GRIA4: variants seen among roughly 807,000 people sequenced by gnomAD.
The protein encoded by GRIA4 is glutamate ionotropic receptor AMPA type subunit 4, also known as glutamate receptor 4.
In GRIA4, 34 loss-of-function variants were observed where a neutral mutation model predicts 104.0. The ratio of observed to expected loss-of-function variants is 0.33; its 90% CI spans 0.25 to 0.44. The LOEUF is 0.44. Ranked by LOEUF, GRIA4 falls within the 20% of genes least tolerant of loss-of-function variation. GRIA4 has a pLI of 1.00. For missense variants in GRIA4, 750 were observed against 1,096.5 expected (o/e 0.68, Z 4.46); for synonymous variants, 386 against 381.9 (o/e 1.01, Z -0.13).
chr11:105,903,943 T>C lies in GRIA4; in HGVS notation c.1015T>C (p.Trp339Arg). Residue 339 changes from tryptophan to arginine, a missense_variant, in exon 8 of 17, where the codon TGG (tryptophan) becomes CGG (arginine). Transcript: ENST00000282499. ...TTGTCTGGCAAATCCTGCTGCTCCA[T>C]GGGGCCAGGGAATTGACATGGAGAG... Reference protein sequence around the residue: ...GDCLANPAAPWGQGIDMERTL... With the variant: ...GDCLANPAAPRGQGIDMERTL... The C allele has an allele frequency of 6.2e-7, 1 of 1,613,542 alleles. No homozygotes were observed. The highest frequency in any genetic ancestry group is 2.2e-5 in the East Asian group (1 of 44,870).
intron 11 of GRIA4, among the ~76,000 whole-genome samples, chr11:105,921,306 G>GGTGTGTGTGT (rs5794436): frequency 1.1e-3 from 150 of 138,844 alleles, no homozygotes; most frequent in Middle Eastern, 3.8e-3. Flanking sequence ...ACCACACTTG[G>GGTGTGTGTGT]GTGTGTGTGT....
chr11:105,889,629 TC>T (rs1380208315), intron 6 of GRIA4, among the ~76,000 whole-genome samples: 1 of 152,148 alleles, frequency 6.6e-6, no homozygotes, highest in Non-Finnish European at 1.5e-5. Context: ...TGAATGATTT[TC>T]CCCTAAAATC....
intron 4 of GRIA4, among the ~76,000 whole-genome samples, chr11:105,853,030 T>C (rs1056067773): frequency 2.0e-5 from 3 of 151,010 alleles, no homozygotes; most frequent in African/African-American, 7.3e-5. Flanking sequence ...AACACTTCTT[T>C]GAGTTTCGTT....
intron 14 of GRIA4, among the ~76,000 whole-genome samples, chr11:105,959,962 G>A (rs1197926791): frequency 2.0e-5 from 3 of 152,192 alleles, no homozygotes; most frequent in Non-Finnish European, 4.4e-5. Context: ...AAGGAGGCTG[G>A]AAAGCAGCCA....
chr11:105,666,527 A>T (rs1464739006), intron 3 of GRIA4, among the ~76,000 whole-genome samples: 1 of 151,990 alleles, frequency 6.6e-6, no homozygotes, highest in African/African-American at 2.4e-5. Context: ...TAATGCATCT[A>T]TTCAACTGAA....
At chr11:105,671,448 G>T (rs1852519784) in intron 3 of GRIA4, among the ~76,000 whole-genome samples, 1 of 151,684 alleles carries the variant, frequency 6.6e-6, no homozygotes, top group African/African-American at 2.4e-5. Context: ...AGACCAAGGA[G>T]GGTGAATCAC....
chr11:105,955,254 T>C (rs916425545), intron 14 of GRIA4, among the ~76,000 whole-genome samples: 1 of 151,924 alleles, frequency 6.6e-6, no homozygotes, highest in Non-Finnish European at 1.5e-5. Context: ...TGACCCGCCC[T>C]CTAAGTTCCC....
intron 4 of GRIA4, among the ~76,000 whole-genome samples, chr11:105,808,047 C>A (rs1943022107): frequency 1.3e-5 from 2 of 151,714 alleles, no homozygotes; most frequent in South Asian, 2.1e-4. Flanking sequence ...AAATTTATTT[C>A]TTTGTAATAT....
chr11:105,682,409 C>T (rs989913947), intron 3 of GRIA4, among the ~76,000 whole-genome samples: 8 of 152,066 alleles, frequency 5.3e-5, no homozygotes, highest in African/African-American at 1.9e-4. Flanking sequence ...TAGATCATTG[C>T]TGTACTCTTT....
At chr11:105,693,458 AT>A (rs11408177) in intron 3 of GRIA4, among the ~76,000 whole-genome samples, 4 of 151,650 alleles carry the variant, frequency 2.6e-5, no homozygotes, top group South Asian at 2.1e-4. Context: ...AGAGCAATCT[AT>A]TTTTTTTTAA....
At chr11:105,645,923 G>T (rs78521088) in intron 3 of GRIA4, among the ~76,000 whole-genome samples, 1 of 152,134 alleles carries the variant, frequency 6.6e-6, no homozygotes, top group Non-Finnish European at 1.5e-5. Flanking sequence ...ATATTCCAGT[G>T]AGCTGGTTAA....
At chr11:105,783,202 A>G (rs1181839388) in intron 4 of GRIA4, among the ~76,000 whole-genome samples, 1 of 152,216 alleles carries the variant, frequency 6.6e-6, no homozygotes, top group Non-Finnish European at 1.5e-5. Context: ...CCCCAAACAT[A>G]TAACTGTCAA....
intron 3 of GRIA4, chr11:105,614,533 T>A (rs916488457): frequency 3.3e-5 from 5 of 151,886 alleles, no homozygotes; most frequent in Middle Eastern, 3.2e-3. Context: ...CATATAAGGA[T>A]TGAGAAAATT....
intron 13 of GRIA4, 52 bp downstream of exon 13, chr11:105,926,991 G>T: frequency 7.8e-7 from 1 of 1,274,244 alleles, no homozygotes; most frequent in South Asian, 1.2e-5. Flanking sequence ...TGAAATTCAG[G>T]CAATTTTTCC....
intron 11 of GRIA4, among the ~76,000 whole-genome samples, chr11:105,921,192 CCT>C (rs1482241117): frequency 6.6e-6 from 1 of 152,152 alleles, no homozygotes; most frequent in Non-Finnish European, 1.5e-5. Flanking sequence ...AAGCCCAGAA[CCT>C]CTCTCACACT....
chr11:105,907,661 T>C (rs180898754), intron 9 of GRIA4, among the ~76,000 whole-genome samples: 1 of 152,328 alleles, frequency 6.6e-6, no homozygotes, highest in African/African-American at 2.4e-5. Flanking sequence ...GAGGGAATGC[T>C]CCAGAGCTGC....
intron 4 of GRIA4, among the ~76,000 whole-genome samples, chr11:105,778,211 T>C (rs963469772): frequency 2.0e-5 from 3 of 152,364 alleles, no homozygotes; most frequent in East Asian, 3.9e-4. Context: ...GCTTTCCTCA[T>C]GTGTAGTTTT....
chr11:105,809,777 T>A (rs1943101488), intron 4 of GRIA4, among the ~76,000 whole-genome samples: 2 of 152,050 alleles, frequency 1.3e-5, no homozygotes, highest in East Asian at 3.9e-4. Flanking sequence ...TTACCCAGTC[T>A]CAGGTAATAT....
At chr11:105,922,973 T>A (rs1947607230) in intron 11 of GRIA4, among the ~76,000 whole-genome samples, 1 of 152,140 alleles carries the variant, frequency 6.6e-6, no homozygotes, top group African/African-American at 2.4e-5. Flanking sequence ...CTTTTATGAT[T>A]TGAACAAAGT....
Sources: allele counts gnomAD v4.1 joint callset (sites outside exome capture counted in the v4.1 genomes callset), GRCh38; gene constraint gnomAD v4.1.1; transcripts MANE v1.5; gene names NCBI Gene and HGNC (gene_info 2026-07-23, HGNC 2026-07-21).